The following SYT1 variants were observed in gnomAD, a reference collection of about 807,000 sequenced individuals.
SYT1 encodes the protein synaptotagmin-1.
SYT1 carries 8 observed loss-of-function variants against 44.8 expected under a neutral mutation model. That is an observed-to-expected ratio of 0.18 (90% CI 0.10 to 0.32). The LOEUF is 0.32. Ranked by LOEUF, SYT1 falls within the 10% of genes least tolerant of loss-of-function variation. The pLI is 1.00. For synonymous variants in SYT1, 154 were observed against 188.8 expected (o/e 0.82, Z 1.51); for missense variants, 286 against 509.3 (o/e 0.56, Z 4.22).
intron 2 of SYT1, among the ~76,000 whole-genome samples, chr12:79,025,991 A>T (rs1872507512): frequency 1.3e-5 from 2 of 151,712 alleles, no homozygotes; most frequent in Non-Finnish European, 3.0e-5. Flanking sequence ...CTGAAAATAG[A>T]TATTTAAAAA....
chr12:79,173,742 T>C (rs61927327), intron 3 of SYT1, among the ~76,000 whole-genome samples: 11,744 of 152,090 alleles, frequency 0.077, 583 homozygotes, highest in African/African-American at 0.13. Context: ...ACTAGAAGAA[T>C]TTCCAGGCTT....
chr12:79,155,878 A>G (rs1470175294), intron 3 of SYT1, among the ~76,000 whole-genome samples: 2 of 152,140 alleles, frequency 1.3e-5, no homozygotes, highest in Non-Finnish European at 2.9e-5. Flanking sequence ...CAACCAACCA[A>G]CGTGAGATGG....
At chr12:78,952,029 T>G (rs763146280) in intron 1 of SYT1, among the ~76,000 whole-genome samples, 20 of 151,990 alleles carry the variant, frequency 1.3e-4, no homozygotes, top group Non-Finnish European at 2.2e-4. Flanking sequence ...GATGGAAAAA[T>G]GAATTCTCCA....
intron 3 of SYT1, among the ~76,000 whole-genome samples, chr12:79,202,467 G>A (rs557466517): frequency 3.9e-5 from 6 of 152,238 alleles, no homozygotes; most frequent in South Asian, 4.2e-4. Context: ...TTATTAAAGC[G>A]TGACTTGTTG....
intron 8 of SYT1, chr12:79,341,367 T>G (rs1882366402): frequency 6.6e-6 from 1 of 152,182 alleles, no homozygotes; most frequent in South Asian, 2.1e-4. Context: ...CTCTGCCATC[T>G]TCAGCATTTC....
At chr12:78,949,510 T>G (rs941256618) in intron 1 of SYT1, among the ~76,000 whole-genome samples, 2 of 151,718 alleles carry the variant, frequency 1.3e-5, no homozygotes, top group Non-Finnish European at 2.9e-5. Context: ...ATATCCAGTT[T>G]AAGAGATTTC....
chr12:79,379,753 T>A (rs1884142277), intron 9 of SYT1, among the ~76,000 whole-genome samples: 2 of 152,282 alleles, frequency 1.3e-5, no homozygotes, highest in East Asian at 3.9e-4. Context: ...ATACTAAAAT[T>A]ACCCATAAGG....
In SYT1 at chr12:78,968,627, T is replaced by C. The variant is rs1220950822; in HGVS notation, c.-216-9172T>C. Reference sequence around the variant, plus strand: ...AAAATAGATCTAAAAGGATCTCCACTGTATTCATTAGTTCAACAAATGATT... The same window carrying C: ...AAAATAGATCTAAAAGGATCTCCACCGTATTCATTAGTTCAACAAATGATT... On this transcript the variant is annotated intron_variant, in intron 1 of 10. Coordinates refer to ENST00000261205, the MANE Select transcript of SYT1 (RefSeq NM_005639.3). 2.0e-5 allele frequency among the ~76,000 whole-genome samples: 3 copies of C among 152,152 alleles called. No homozygotes were observed. In the East Asian group the frequency reaches 5.8e-4, roughly 29 times the overall value.
At chr12:79,265,753 C>T (rs1878090690) in intron 4 of SYT1, among the ~76,000 whole-genome samples, 2 of 151,952 alleles carry the variant, frequency 1.3e-5, no homozygotes, top group South Asian at 4.1e-4. Context: ...CAGTTGAGGT[C>T]ATGTGAAAGG....
At chr12:79,384,152 G>A (rs1884335209) in intron 9 of SYT1, among the ~76,000 whole-genome samples, 1 of 152,096 alleles carries the variant, frequency 6.6e-6, no homozygotes, top group South Asian at 2.1e-4. Flanking sequence ...TCTGTACTGA[G>A]TGCTGAACTA....
chr12:79,263,053 G>A (rs976074213), intron 4 of SYT1, among the ~76,000 whole-genome samples: 1 of 152,152 alleles, frequency 6.6e-6, no homozygotes. Context: ...TGCCCCCTCT[G>A]CAATGTCCAG....
Position 79,193,715 on chromosome 12 carries a change from C to A in SYT1, c.-17-23788C>A, listed in dbSNP as rs372342014. On this transcript the variant is annotated intron_variant, in intron 3 of 10. Coordinates refer to ENST00000261205, the MANE Select transcript of SYT1 (RefSeq NM_005639.3). The stretch of plus-strand genomic sequence containing the variant: ...TGCACTCCAGCCTGGGTAGTGAGAA[C>A]CCCATCTCTAAGATCCATCAAGTCA... Among the ~76,000 whole-genome samples the A allele has an allele frequency of 6.0e-5, 9 of 150,406 alleles. No individual in the cohort carries two copies. In the East Asian group the frequency reaches 1.6e-3, roughly 26 times the overall value.
chr12:78,890,504 G>A (rs1315764670), intron 1 of SYT1, among the ~76,000 whole-genome samples: 1 of 151,756 alleles, frequency 6.6e-6, no homozygotes, highest in South Asian at 2.1e-4. Context: ...AAACCTGCAC[G>A]TTGTGCACAT....
chr12:79,050,083 C>T (rs181155005), intron 3 of SYT1, among the ~76,000 whole-genome samples: 7 of 152,108 alleles, frequency 4.6e-5, no homozygotes, highest in Non-Finnish European at 8.8e-5. Context: ...AACTTAACTA[C>T]TAATAGCCTA....
chr12:79,129,437 A>G (rs1868662285), intron 3 of SYT1, among the ~76,000 whole-genome samples: 1 of 152,200 alleles, frequency 6.6e-6, no homozygotes, highest in South Asian at 2.1e-4. Context: ...TCATGGGTCT[A>G]TGAAAGAGCA....
At position 79,023,994 on chromosome 12, in the gene SYT1, C is replaced by A. The variant is rs148257953; in HGVS notation, c.-83-23303C>A. On this transcript the variant is annotated intron_variant, in intron 2 of 10. Transcript: ENST00000261205. ...ACATTGATGCAATAGGATTACCTAA[C>A]ACATAGCTGGAGTTGTTTTAAATTC... is the stretch of plus-strand genomic sequence containing the variant. Among the ~76,000 whole-genome samples, 122 of 151,892 alleles carry A rather than the reference C, an allele frequency of 8.0e-4. 1 individual carries two copies. The highest frequency in any genetic ancestry group is 2.8e-3 in the African/African-American group (117 of 41,484).
In SYT1 at chr12:79,140,246, G is replaced by A. The variant is rs183786283; in HGVS notation, c.-17-77257G>A. ...AAATCTGCATGCTTCCATTATAGAA[G>A]CATTTACAAACTTCAGACTCTACAG... On this transcript the variant is annotated intron_variant, in intron 3 of 10. Transcript: ENST00000261205. Among the ~76,000 whole-genome samples, 180 of 152,260 alleles carry A rather than the reference G, an allele frequency of 1.2e-3. 1 individual carries two copies. The highest frequency in any genetic ancestry group is 3.9e-3 in the African/African-American group (164 of 41,548).
chr12:79,038,605 C>G (rs1222302642), intron 2 of SYT1, among the ~76,000 whole-genome samples: 3 of 151,924 alleles, frequency 2.0e-5, no homozygotes, highest in African/African-American at 7.2e-5. Context: ...CTGTGCACAT[C>G]AACCTTGTAA....
At chr12:78,954,050 G>A (rs1317092934) in intron 1 of SYT1, among the ~76,000 whole-genome samples, 1 of 152,048 alleles carries the variant, frequency 6.6e-6, no homozygotes, top group Non-Finnish European at 1.5e-5. Flanking sequence ...GAGAATCAGA[G>A]AGATACTTTC....
Sources: gnomAD v4.1 joint callset for allele counts (sites outside exome capture counted in the v4.1 genomes callset) on GRCh38, gnomAD v4.1.1 for gene constraint, MANE v1.5 for transcripts, NCBI Gene and HGNC (gene_info 2026-07-23, HGNC 2026-07-21) for gene names.